CACNA1G: variants seen among roughly 807,000 people sequenced by gnomAD.
CACNA1G encodes calcium voltage-gated channel subunit alpha1 G, also known as voltage-dependent T-type calcium channel subunit alpha-1G.
Under a neutral mutation model 219.4 loss-of-function variants are expected in CACNA1G, and 67 were observed. The ratio of observed to expected loss-of-function variants is 0.31; its 90% CI spans 0.25 to 0.37. The LOEUF (loss-of-function observed/expected upper bound fraction) is 0.37, where lower values mean the gene tolerates loss of function less well. Ranked by LOEUF, CACNA1G falls within the 10% of genes least tolerant of loss-of-function variation. CACNA1G has a pLI of 1.00. For missense variants in CACNA1G, 2,380 were observed against 3,231.4 expected (o/e 0.74, Z 6.39); for synonymous variants, 1,296 against 1,345.3 (o/e 0.96, Z 0.80).
At chr17:50,574,046 A>G (rs2040045231) in intron 7 of CACNA1G, among the ~76,000 whole-genome samples, 1 of 152,198 alleles carries the variant, frequency 6.6e-6, no homozygotes, top group African/African-American at 2.4e-5. Flanking sequence ...GTATGCTGTA[A>G]CATCTGCTGC....
chr17:50,626,332 T>G lies in CACNA1G; in HGVS notation c.6715T>G (p.Ser2239Ala), dbSNP rs748106081. 1 of 1,612,892 alleles carries G rather than the reference T, an allele frequency of 6.2e-7. No homozygotes were observed. Among genetic ancestry groups the G allele is most frequent in the East Asian group, 2.2e-5 (1 of 44,844 alleles). ...LPPGGQEEPP[S>A]PRDLKKCYSV... ...CCCTGGCGGCCAGGAGGAGCCCCCA[T>G]CCCCACGGGACCTGAAGAAGTGCTA... The change falls in exon 38 of 38, where the codon TCC becomes GCC. Residue 2239 changes from serine to alanine, a missense_variant. Physicochemically the swap from Ser to Ala is moderately conservative, Grantham distance 99. Transcript: ENST00000359106. The surrounding 1 kb of genome is among the most constrained non-coding windows in gnomAD (Gnocchi z 4.3).
chr17:50,583,786 T>C (rs1466798856), intron 9 of CACNA1G, among the ~76,000 whole-genome samples: 5 of 152,102 alleles, frequency 3.3e-5, no homozygotes, highest in African/African-American at 1.2e-4. Context: ...CTCCCTGCCC[T>C]GGCCCCGAGG....
At chr17:50,577,686 T>G (rs192165544) in intron 8 of CACNA1G, among the ~76,000 whole-genome samples, 10 of 152,070 alleles carry the variant, frequency 6.6e-5, no homozygotes, top group Middle Eastern at 3.4e-3. Context: ...CATGTATGTG[T>G]GCCCATATGG....
intron 13 of CACNA1G, 139 bp from the exon 14 acceptor site, chr17:50,594,854 C>G (rs1002608620): frequency 9.5e-6 from 6 of 630,472 alleles, no homozygotes; most frequent in South Asian, 7.4e-5. Context: ...TCTGCCCCCC[C>G]ATTCCCCGTG....
At chr17:50,572,091 A>G (rs1283477326) in intron 5 of CACNA1G, 54 bp downstream of exon 5, 3 of 1,560,518 alleles carry the variant, frequency 1.9e-6, no homozygotes, top group Non-Finnish European at 1.7e-6. Flanking sequence ...GGGGCTGGGC[A>G]CCCCCCCAAG....
Position 50,618,623 on chromosome 17 carries a change from C to G in CACNA1G, c.5428-32C>G, listed in dbSNP as rs760119243. The G allele has an allele frequency of 6.5e-7, 1 of 1,527,794 alleles. No individual in the cohort carries two copies. The highest frequency in any genetic ancestry group is 9.0e-7 in the Non-Finnish European group (1 of 1,106,354). The allele number at this position is 1,527,794 out of a possible 1,614,324, so 94.6% of individuals were successfully genotyped here. A position where few individuals can be genotyped will look rare whatever the true frequency, so the allele number is the denominator to read the frequency against. ...ACAACAGCTCCAACAACTGTCCTCC[C>G]CAGCCTCACCCCTCTATTCCACCCT... On this transcript the variant is annotated intron_variant, in intron 32 of 37. Transcript: ENST00000359106. The surrounding 1 kb of genome is among the most constrained non-coding windows in gnomAD (Gnocchi z 5.3).
chr17:50,590,077 C>T (rs1447894758), intron 9 of CACNA1G, among the ~76,000 whole-genome samples: 6 of 152,134 alleles, frequency 3.9e-5, no homozygotes, highest in East Asian at 1.9e-4. Flanking sequence ...CCTTGGCGAT[C>T]GCCCTCTGAC....
At position 50,572,926 on chromosome 17, in the gene CACNA1G, C is replaced by T. The variant is rs567549324; in HGVS notation, c.1047+72C>T. 1,093 of 1,576,666 alleles carry T rather than the reference C, an allele frequency of 6.9e-4. 1 individual carries two copies. Among genetic ancestry groups the T allele is most frequent in the Non-Finnish European group, 8.8e-4 (1,015 of 1,155,310 alleles). ...GGACACAGCCCAGGATCGGAGTGGT[C>T]GCTCTCAGGGTTGGGGTGGGGGTCA... is the stretch of plus-strand genomic sequence containing the variant. On this transcript the variant is annotated intron_variant, in intron 6 of 37. Coordinates refer to ENST00000359106, the MANE Select transcript of CACNA1G (RefSeq NM_018896.5).
intron 22 of CACNA1G, among the ~76,000 whole-genome samples, chr17:50,605,338 A>G (rs2047725868): frequency 6.6e-6 from 1 of 152,128 alleles, no homozygotes; most frequent in Non-Finnish European, 1.5e-5. Context: ...CCTGCTGGCT[A>G]TGGGACCTTA....
intron 1 of CACNA1G, among the ~76,000 whole-genome samples, chr17:50,565,434 G>A (rs1024877441): frequency 2.0e-5 from 3 of 152,158 alleles, no homozygotes; most frequent in East Asian, 1.9e-4. Flanking sequence ...GGAGCAGGGC[G>A]GAGCCCCTAC....
At position 50,616,356 on chromosome 17, in the gene CACNA1G, T is replaced by C. The variant is rs376784650; in HGVS notation, c.4993T>C (p.Phe1665Leu). ...VLESVFKLVA[F>L]GFRRFFQDRW... ...GGAGTCAGTTTTCAAACTTGTGGCCTTTGGTTTCCGTCGGTTCTTCCAGGA... is the reference window on the plus strand; with the variant it reads ...GGAGTCAGTTTTCAAACTTGTGGCCCTTGGTTTCCGTCGGTTCTTCCAGGA... The change falls in exon 28 of 38, where the codon TTT becomes CTT. Residue 1665 changes from phenylalanine to leucine, a missense_variant. Phe to Leu is a conservative substitution (Grantham distance 22, BLOSUM62 0). Transcript: ENST00000359106. The C allele has an allele frequency of 2.5e-6, 4 of 1,612,982 alleles. No homozygotes were observed. The African/African-American group carries it at 5.3e-5, about 22-fold the overall frequency.
intron 16 of CACNA1G, among the ~76,000 whole-genome samples, chr17:50,597,764 C>G (rs1156831139): frequency 1.3e-5 from 2 of 152,208 alleles, no homozygotes; most frequent in Non-Finnish European, 2.9e-5. Flanking sequence ...AACTTCGTAT[C>G]CTTTGGCTAA....
chr17:50,603,288 C>A lies in CACNA1G; in HGVS notation c.4169+89C>A. On this transcript the variant is annotated intron_variant, in intron 21 of 37. Coordinates refer to ENST00000359106, the MANE Select transcript of CACNA1G (RefSeq NM_018896.5). The surrounding 1 kb of genome is among the most constrained non-coding windows in gnomAD (Gnocchi z 6.4). ...ACCGCCAGCACTCCCTGCCACGAAA[C>A]AAAAGCCTGCACAGGCCAGCATCCT... 8.5e-7 allele frequency: 1 copy of A among 1,171,882 alleles called. No individual in the cohort carries two copies. The highest frequency in any genetic ancestry group is 1.2e-6 in the Non-Finnish European group (1 of 828,804). 72.6% of individuals were successfully genotyped at this position (1,171,882 alleles called of 1,614,324 possible). A position where few individuals can be genotyped will look rare whatever the true frequency, so the allele number is the denominator to read the frequency against.
At chr17:50,595,908 A>G (rs1320349509) in intron 14 of CACNA1G, among the ~76,000 whole-genome samples, 2 of 152,262 alleles carry the variant, frequency 1.3e-5, no homozygotes, top group African/African-American at 4.8e-5. Flanking sequence ...TTTTTTAATA[A>G]CTTCTTAAGG....
At chr17:50,598,792 C>T (rs2046049594) in intron 16 of CACNA1G, among the ~76,000 whole-genome samples, 1 of 152,168 alleles carries the variant, frequency 6.6e-6, no homozygotes, top group Non-Finnish European at 1.5e-5. Flanking sequence ...GGCTGGAGCG[C>T]AACAGTTCAC....
chr17:50,617,651 T>C lies in CACNA1G; in HGVS notation c.5155+80T>C. ...GAGCAAGGGTCGGCTTTGTGGCTGG[T>C]CAAGGCCTGGGCGGCTGTGGGTTCC... On this transcript the variant is annotated intron_variant, in intron 29 of 37. Coordinates refer to ENST00000359106, the MANE Select transcript of CACNA1G (RefSeq NM_018896.5). This position sits in a 1 kb window ranked among gnomAD's most constrained non-coding sequence, Gnocchi z 5.8. 1 of 1,540,674 alleles carries C rather than the reference T, an allele frequency of 6.5e-7. No individual in the cohort carries two copies. The highest frequency in any genetic ancestry group is 8.8e-7 in the Non-Finnish European group (1 of 1,136,592).
Position 50,591,643 on chromosome 17 carries a change from C to T in CACNA1G, c.2639+23C>T, listed in dbSNP as rs746214077. The T allele has an allele frequency of 1.9e-6, 3 of 1,611,300 alleles. No individual in the cohort carries two copies. In the Admixed American group the frequency reaches 5.0e-5, roughly 27 times the overall value. Reference sequence around the variant, plus strand: ...CAGGTGAGGGCGGCATGGCACCTTGCCGGCTGAGAGACCGGCCAGGCTGGG... The same window carrying T: ...CAGGTGAGGGCGGCATGGCACCTTGTCGGCTGAGAGACCGGCCAGGCTGGG... On this transcript the variant is annotated intron_variant, in intron 11 of 37. Transcript: ENST00000359106.
chr17:50,569,328 A>G (rs766407944), intron 3 of CACNA1G, 30 bp downstream of exon 3: 2 of 1,611,698 alleles, frequency 1.2e-6, no homozygotes, highest in Admixed American at 1.7e-5. Context: ...TGGGAGAGCA[A>G]TGGATCAGAT....
At position 50,571,870 on chromosome 17, in the gene CACNA1G, C is replaced by A; in HGVS notation, c.587-8C>A. ...CTGGTGTCCCCAGCGTGGCTTCTGC[C>A]CCCACAGGCATGCGCATCCTTGTCA... On this transcript the variant is annotated splice_region_variant and splice_polypyrimidine_tract_variant and intron_variant, in intron 4 of 37. Coordinates refer to ENST00000359106, the MANE Select transcript of CACNA1G (RefSeq NM_018896.5). The surrounding 1 kb of genome is among the most constrained non-coding windows in gnomAD (Gnocchi z 4.3). The A allele has an allele frequency of 6.2e-7, 1 of 1,613,286 alleles. No homozygotes were observed.
Sources: gnomAD v4.1 joint callset for allele counts (sites outside exome capture counted in the v4.1 genomes callset) on GRCh38, gnomAD v4.1.1 for gene constraint, Gnocchi (gnomAD v3.1) non-coding constraint, MANE v1.5 for transcripts, NCBI Gene and HGNC (gene_info 2026-07-23, HGNC 2026-07-21) for gene names.